Variants in BAZ2B observed in about 807,000 individuals in gnomAD.
BAZ2B encodes the protein bromodomain adjacent to zinc finger domain 2B.
BAZ2B carries 91 observed loss-of-function variants against 246.0 expected under a neutral mutation model. That is an observed-to-expected ratio of 0.37 (90% CI 0.31 to 0.44). The LOEUF (loss-of-function observed/expected upper bound fraction) is 0.44. Ranked by LOEUF, BAZ2B falls within the 20% of genes least tolerant of loss-of-function variation. The probability of loss-of-function intolerance (pLI) is 1.00; values close to 1 mark genes in which losing one functional copy is unlikely to be tolerated. For synonymous variants in BAZ2B, 855 were observed against 860.0 expected (o/e 0.99, Z 0.10); for missense variants, 2,332 against 2,533.7 (o/e 0.92, Z 1.71).
At position 159,446,828 on chromosome 2, in the gene BAZ2B, C is replaced by G. The variant is rs1048191368; in HGVS notation, c.650G>C (p.Ser217Thr). 3 of 1,611,154 alleles carry G rather than the reference C, an allele frequency of 1.9e-6. No homozygotes were observed. Among genetic ancestry groups the G allele is most frequent in the Non-Finnish European group, 8.5e-7 (1 of 1,179,020 alleles). The change falls in exon 6 of 37, where the codon AGC becomes ACC. Residue 217 changes from serine to threonine, a missense_variant. Around this residue, in one of 9 missense-constraint regions of BAZ2B, gnomAD observed 161 missense variants for 225.8 expected, o/e 0.71. Transcript: ENST00000392783. ...GGNRKCNQEQ[S>T]KNQPLDARVD... ...TCTAGCATCCAAAGGCTGGTTTTTG[C>G]TTTGTTCCTGATTACATTTTCGATT...
intron 16 of BAZ2B, among the ~76,000 whole-genome samples, chr2:159,402,207 G>A (rs1250401686): frequency 6.6e-6 from 1 of 152,062 alleles, no homozygotes; most frequent in African/African-American, 2.4e-5. Flanking sequence ...TAGCACTCTG[G>A]GAGGCCGAGG....
At chr2:159,440,865 G>C (rs2073265129) in intron 6 of BAZ2B, among the ~76,000 whole-genome samples, 1 of 152,062 alleles carries the variant, frequency 6.6e-6, no homozygotes, top group Non-Finnish European at 1.5e-5. Context: ...CTCTTTCAAA[G>C]ATACACACTT....
intron 8 of BAZ2B, among the ~76,000 whole-genome samples, chr2:159,436,742 C>T (rs1577021200): frequency 6.6e-6 from 1 of 152,028 alleles, no homozygotes; most frequent in African/African-American, 2.4e-5. Flanking sequence ...CAGAGCGAGA[C>T]TCTGTCTCAA....
chr2:159,397,571 A>G (rs1041590892), intron 18 of BAZ2B, among the ~76,000 whole-genome samples, 182 bp from the exon 19 acceptor site: 5 of 152,204 alleles, frequency 3.3e-5, no homozygotes, highest in African/African-American at 1.2e-4. Context: ...CTTCTACCTA[A>G]CAAATACTTA....
chr2:159,557,813 A>G (rs902396362), intron 1 of BAZ2B, among the ~76,000 whole-genome samples: 1 of 152,206 alleles, frequency 6.6e-6, no homozygotes, highest in Non-Finnish European at 1.5e-5. Context: ...GATCCAAAAG[A>G]AAGTTTAAAT....
the BAZ2B span, among the ~76,000 whole-genome samples, chr2:159,668,443 G>A: frequency 3.3e-5 from 5 of 152,090 alleles, no homozygotes; most frequent in Non-Finnish European, 7.4e-5. Context: ...GATGTTAATT[G>A]GGGGTTTTCC....
chr2:159,320,191 T>C lies in BAZ2B; in HGVS notation c.*74A>G, dbSNP rs913624881. 2 of 1,316,232 alleles carry C rather than the reference T, an allele frequency of 1.5e-6. No individual in the cohort carries two copies. The highest frequency in any genetic ancestry group is 5.6e-5 in the East Asian group (2 of 35,970). The allele number at this position is 1,316,232 out of a possible 1,614,324, so 81.5% of individuals were successfully genotyped here. A position where few individuals can be genotyped will look rare whatever the true frequency, so the allele number is the denominator to read the frequency against. On this transcript the variant is annotated 3_prime_UTR_variant, in exon 37 of 37. Coordinates refer to ENST00000392783, the MANE Select transcript of BAZ2B (RefSeq NM_013450.4). ...ATTATGTATGTGCCTTGCACGTTTA[T>C]GTAAATACAGTTCACATTGCTGGTC...
intron 2 of BAZ2B, among the ~76,000 whole-genome samples, chr2:159,486,366 G>A (rs1309511149): frequency 2.6e-5 from 4 of 152,036 alleles, no homozygotes; most frequent in South Asian, 2.1e-4. Flanking sequence ...AAATAAAGCA[G>A]AGAATCAAAC....
At chr2:159,399,007 C>T (rs1173794981) in intron 17 of BAZ2B, 113 bp from the exon 18 acceptor site, 6 of 855,594 alleles carry the variant, frequency 7.0e-6, no homozygotes, top group African/African-American at 6.8e-5. Flanking sequence ...CAGTATGTAA[C>T]ACATATGTAG....
the BAZ2B span, chr2:159,694,018 G>A: frequency 2.0e-5 from 3 of 152,024 alleles, no homozygotes; most frequent in African/African-American, 2.4e-5. Flanking sequence ...CTAAATTCAC[G>A]TGTGGAAGTC....
the BAZ2B span, among the ~76,000 whole-genome samples, chr2:159,701,428 G>C: frequency 2.6e-5 from 4 of 151,352 alleles, no homozygotes; most frequent in South Asian, 8.3e-4. Context: ...TAAGCATTGA[G>C]GATCTGTATC....
Position 159,433,030 on chromosome 2 carries a change from T to C in BAZ2B, c.1627A>G (p.Arg543Gly). 6.2e-7 allele frequency: 1 copy of C among 1,614,210 alleles called. No individual in the cohort carries two copies. Among genetic ancestry groups the C allele is most frequent in the South Asian group, 1.1e-5 (1 of 91,088 alleles). ...ACAGGTGTCTGATTGCCAGGGGTTC[T>C]TCTCCCACTTGTACTCAGATTTACA... ...SPVNLSTSGR[R>G]TPGNQTPVMP... Residue 543 changes from arginine (R) to glycine (G), a missense_variant, in exon 9 of 37, where the codon AGA becomes GGA. By Grantham distance (125) the Arg-to-Gly change is moderately radical (BLOSUM62 -2). Around this residue, in one of 9 missense-constraint regions of BAZ2B, gnomAD observed 651 missense variants for 650.9 expected, o/e 1.00. Transcript: ENST00000392783.
chr2:159,323,301 A>AT (rs946061612), intron 36 of BAZ2B, among the ~76,000 whole-genome samples: 4 of 151,722 alleles, frequency 2.6e-5, no homozygotes, highest in Admixed American at 6.6e-5. Context: ...ATTTTGTAGC[A>AT]TTTTTTTGTT....
chr2:159,325,117 T>TTATATATATATATATATATATA (rs1344829292), intron 35 of BAZ2B, among the ~76,000 whole-genome samples, 163 bp from the exon 36 acceptor site: 3 of 3,394 alleles, frequency 8.8e-4, no homozygotes, highest in African/African-American at 2.0e-3. Context: ...TATATATATT[T>TTATATATATATATATATATATA]TATATATATA....
chr2:159,457,541 T>C (rs1225968203), intron 3 of BAZ2B, among the ~76,000 whole-genome samples: 4 of 152,224 alleles, frequency 2.6e-5, no homozygotes, highest in Non-Finnish European at 5.9e-5. Flanking sequence ...TAGATTCCTT[T>C]GCCTTATTTC....
At chr2:159,627,277 TTCCAAACA>T in the BAZ2B span, among the ~76,000 whole-genome samples, 5 of 151,672 alleles carry the variant, frequency 3.3e-5, no homozygotes, top group Non-Finnish European at 2.9e-5. Context: ...TCTGAAACTA[TTCCAAACA>T]ATAGAAAAAG....
chr2:159,576,530 T>TAAA (rs201605899), intron 1 of BAZ2B, among the ~76,000 whole-genome samples: 1 of 94,946 alleles, frequency 1.1e-5, no homozygotes, highest in Non-Finnish European at 2.1e-5. Flanking sequence ...TATCAAAGGT[T>TAAA]TAAAAAAAAA....
chr2:159,541,861 G>A (rs1406242750), intron 2 of BAZ2B, among the ~76,000 whole-genome samples: 1 of 152,014 alleles, frequency 6.6e-6, no homozygotes, highest in Non-Finnish European at 1.5e-5. Context: ...AGGTTTACTA[G>A]CAACAAATTC....
intron 27 of BAZ2B, among the ~76,000 whole-genome samples, chr2:159,369,750 G>A (rs1186242805): frequency 6.6e-6 from 1 of 152,010 alleles, no homozygotes; most frequent in Non-Finnish European, 1.5e-5. Flanking sequence ...CACTCACCTA[G>A]GCATTAAAAA....
Sources: allele counts gnomAD v4.1 joint callset (sites outside exome capture counted in the v4.1 genomes callset), GRCh38; gene constraint gnomAD v4.1.1; regional missense constraint gnomAD v4.1.1; transcripts MANE v1.5; gene names NCBI Gene and HGNC (gene_info 2026-07-23, HGNC 2026-07-21).